NFATC3: variants seen among roughly 807,000 people sequenced by gnomAD.
NFATC3 encodes nuclear factor of activated T cells 3.
NFATC3 carries 46 observed loss-of-function variants against 98.6 expected under a neutral mutation model. The observed-to-expected ratio is 0.47, with a 90% CI of 0.37 to 0.60. The LOEUF is 0.60. Among genes scored for constraint, NFATC3 ranks in the 20% least tolerant of loss-of-function variants. NFATC3 has a pLI of 0.00. For synonymous variants in NFATC3, 512 were observed against 472.2 expected (o/e 1.08, Z -1.09); for missense variants, 1,256 against 1,295.5 (o/e 0.97, Z 0.47).
At chr16:68,114,236 C>G (rs1046409537) in intron 1 of NFATC3, among the ~76,000 whole-genome samples, 1 of 152,160 alleles carries the variant, frequency 6.6e-6, no homozygotes, top group African/African-American at 2.4e-5. Context: ...CTCTACCCTG[C>G]TTTTCCTAGC....
chr16:68,094,802 G>A (rs2151447416), intron 1 of NFATC3, among the ~76,000 whole-genome samples: 1 of 152,264 alleles, frequency 6.6e-6, no homozygotes, highest in Non-Finnish European at 1.5e-5. Flanking sequence ...ATGCAAAATA[G>A]TTACATTTGG....
chr16:68,099,732 C>G (rs935376550), intron 1 of NFATC3, among the ~76,000 whole-genome samples: 1 of 152,108 alleles, frequency 6.6e-6, no homozygotes, highest in East Asian at 1.9e-4. Context: ...AACCACTAAT[C>G]TATTCTACAT....
At chr16:68,147,112 C>T (rs2038076769) in intron 3 of NFATC3, among the ~76,000 whole-genome samples, 1 of 152,092 alleles carries the variant, frequency 6.6e-6, no homozygotes, top group Admixed American at 6.6e-5. Flanking sequence ...GATTACCTTC[C>T]CCCAACATCA....
At position 68,214,283 on chromosome 16, in the gene NFATC3, C is replaced by G. The variant is rs149468289; in HGVS notation, c.3107-12067C>G. 9.4e-5 allele frequency: 138 copies of G among 1,465,420 alleles called. No individual in the cohort carries two copies. In the East Asian group the frequency reaches 3.1e-3, roughly 33 times the overall value. The allele number at this position is 1,465,420 out of a possible 1,614,324, so 90.8% of individuals were successfully genotyped here. A position where few individuals can be genotyped will look rare whatever the true frequency, so the allele number is the denominator to read the frequency against. On this transcript the variant is annotated intron_variant, in intron 9 of 9. Transcript: ENST00000346183. ...GGCACTGTAGTAGATTAAGTTCACC[C>G]TCTGGTTTGTTCCATTCAGTAGTGA...
At chr16:68,116,676 A>G (rs886283995) in intron 1 of NFATC3, among the ~76,000 whole-genome samples, 10 of 152,196 alleles carry the variant, frequency 6.6e-5, no homozygotes, top group African/African-American at 2.2e-4. Flanking sequence ...GACGTAGAAG[A>G]TGTTTGCTTC....
chr16:68,163,574 T>C (rs1013976421), intron 4 of NFATC3, among the ~76,000 whole-genome samples: 6 of 149,402 alleles, frequency 4.0e-5, no homozygotes, highest in Non-Finnish European at 8.9e-5. Context: ...ACGGGGTGGC[T>C]GCCGGGCGGA....
chr16:68,127,001 T>C (rs906890556), intron 3 of NFATC3, among the ~76,000 whole-genome samples: 2 of 152,060 alleles, frequency 1.3e-5, no homozygotes, highest in Non-Finnish European at 2.9e-5. Context: ...GATCACTAGC[T>C]CAGGAGTTCG....
At chr16:68,130,325 C>T (rs1487705828) in intron 3 of NFATC3, among the ~76,000 whole-genome samples, 1 of 152,014 alleles carries the variant, frequency 6.6e-6, no homozygotes, top group East Asian at 1.9e-4. Context: ...CCTTTTTTTG[C>T]ATTTTGATAA....
chr16:68,089,943 T>C (rs1453311532), intron 1 of NFATC3, among the ~76,000 whole-genome samples: 4 of 152,206 alleles, frequency 2.6e-5, no homozygotes, highest in Non-Finnish European at 5.9e-5. Context: ...GGGAGAAATA[T>C]CTTAGATACA....
chr16:68,204,666 G>A (rs566063475), intron 9 of NFATC3, among the ~76,000 whole-genome samples: 54 of 152,166 alleles, frequency 3.5e-4, no homozygotes, highest in South Asian at 6.2e-4. Context: ...ATATAATCTC[G>A]CTTTCGTAAA....
intron 9 of NFATC3, among the ~76,000 whole-genome samples, chr16:68,222,796 A>G (rs1165795304): frequency 6.6e-6 from 1 of 152,162 alleles, no homozygotes; most frequent in Non-Finnish European, 1.5e-5. Context: ...TGGGAGACAT[A>G]ATGATGATGC....
intron 1 of NFATC3, among the ~76,000 whole-genome samples, chr16:68,104,802 C>T (rs984494770): frequency 6.6e-6 from 1 of 151,742 alleles, no homozygotes; most frequent in East Asian, 1.9e-4. Flanking sequence ...TTACAGGTGC[C>T]CACCACCACG....
At chr16:68,101,102 T>G (rs936357509) in intron 1 of NFATC3, among the ~76,000 whole-genome samples, 10 of 152,172 alleles carry the variant, frequency 6.6e-5, no homozygotes, top group African/African-American at 2.2e-4. Context: ...AAGAAATCTT[T>G]GCCTAACCCA....
At chr16:68,088,335 T>C (rs1044095507) in intron 1 of NFATC3, among the ~76,000 whole-genome samples, 8 of 147,238 alleles carry the variant, frequency 5.4e-5, no homozygotes, top group African/African-American at 1.7e-4. Flanking sequence ...ATATATATAA[T>C]ATATAACATA....
chr16:68,161,552 A>G (rs535678172), intron 4 of NFATC3, among the ~76,000 whole-genome samples: 1 of 152,232 alleles, frequency 6.6e-6, no homozygotes, highest in East Asian at 1.9e-4. Flanking sequence ...AAAGGAAAAA[A>G]GTTAGTGTTT....
At chr16:68,198,772 G>A (rs2040776629) in intron 9 of NFATC3, among the ~76,000 whole-genome samples, 1 of 152,136 alleles carries the variant, frequency 6.6e-6, no homozygotes, top group Non-Finnish European at 1.5e-5. Context: ...AGCATAGCTG[G>A]GCGTGTTGGC....
chr16:68,106,542 G>A (rs927184107), intron 1 of NFATC3, among the ~76,000 whole-genome samples: 1 of 151,504 alleles, frequency 6.6e-6, no homozygotes, highest in Non-Finnish European at 1.5e-5. Flanking sequence ...TGCCCGCCTC[G>A]GCCTCCCAAA....
intron 9 of NFATC3, chr16:68,218,084 G>A: frequency 1.0e-6 from 1 of 977,380 alleles, no homozygotes; most frequent in Non-Finnish European, 1.2e-6. Flanking sequence ...TTTGGAGACA[G>A]GGTCTCACAC....
At chr16:68,150,279 A>G (rs2038246060) in intron 3 of NFATC3, among the ~76,000 whole-genome samples, 2 of 152,098 alleles carry the variant, frequency 1.3e-5, no homozygotes. Context: ...ATGGAGATTT[A>G]AAGATAATAC....
Sources: gnomAD v4.1 joint callset for allele counts (sites outside exome capture counted in the v4.1 genomes callset) on GRCh38, gnomAD v4.1.1 for gene constraint, MANE v1.5 for transcripts, NCBI Gene and HGNC (gene_info 2026-07-23, HGNC 2026-07-21) for gene names.